ADCY9: variants seen among roughly 807,000 people sequenced by gnomAD.
ADCY9 encodes the protein adenylate cyclase type 9.
Under a neutral mutation model 101.5 loss-of-function variants are expected in ADCY9, and 50 were observed. That is an observed-to-expected ratio of 0.49 (90% CI 0.39 to 0.62). The LOEUF is 0.62. Ranked by LOEUF, ADCY9 falls within the 20% of genes least tolerant of loss-of-function variation. The pLI, the probability that ADCY9 is intolerant of heterozygous loss-of-function variation, is 0.00. For missense variants in ADCY9, 1,662 were observed against 1,800.4 expected, an observed-to-expected ratio of 0.92 and a Z score of 1.39; for synonymous variants, 905 against 769.3, an observed-to-expected ratio of 1.18 and a Z score of -2.92.
chr16:3,954,726 C>A (rs1243420904), intron 5 of ADCY9, among the ~76,000 whole-genome samples: 1 of 152,080 alleles, frequency 6.6e-6, no homozygotes. Flanking sequence ...AGAGCAGCCG[C>A]AACACTGGAG....
intron 2 of ADCY9, among the ~76,000 whole-genome samples, chr16:4,098,239 T>TTTG (rs1567147365): frequency 6.6e-6 from 1 of 151,398 alleles, no homozygotes; most frequent in African/African-American, 2.4e-5. Flanking sequence ...GTTTTGTTTT[T>TTTG]GTTTTTGGTT....
chr16:4,101,344 A>C (rs911906051), intron 2 of ADCY9, among the ~76,000 whole-genome samples: 2 of 149,822 alleles, frequency 1.3e-5, no homozygotes, highest in African/African-American at 4.9e-5. Context: ...CAGTGGTGCA[A>C]TCACAGCTCA....
intron 2 of ADCY9, among the ~76,000 whole-genome samples, chr16:4,097,826 C>T (rs1362218105): frequency 1.3e-5 from 2 of 151,864 alleles, no homozygotes; most frequent in African/African-American, 4.8e-5. Context: ...GGATTACAGG[C>T]ATGAGCCACC....
intron 2 of ADCY9, among the ~76,000 whole-genome samples, chr16:4,097,500 A>ACACACACACACT: frequency 8.1e-6 from 1 of 123,098 alleles, no homozygotes; most frequent in Non-Finnish European, 1.7e-5. Flanking sequence ...ACACACACAC[A>ACACACACACACT]CTATATATAT....
intron 2 of ADCY9, among the ~76,000 whole-genome samples, chr16:4,073,756 T>A (rs1000142914): frequency 6.6e-6 from 1 of 152,166 alleles, no homozygotes. Context: ...AAGGCTGAGA[T>A]CATTTATTCC....
chr16:3,984,539 T>A (rs2056174161), intron 6 of ADCY9, among the ~76,000 whole-genome samples: 2 of 152,010 alleles, frequency 1.3e-5, no homozygotes, highest in African/African-American at 4.8e-5. Flanking sequence ...CCCATCTCGG[T>A]GTACAGATTG....
intron 3 of ADCY9, among the ~76,000 whole-genome samples, chr16:3,994,834 T>C (rs951782396): frequency 6.6e-6 from 1 of 152,184 alleles, no homozygotes; most frequent in Admixed American, 6.5e-5. Flanking sequence ...CCACCAACTA[T>C]GCGAGGACAC....
intron 2 of ADCY9, among the ~76,000 whole-genome samples, chr16:4,046,839 A>AC (rs113212808): frequency 0.053 from 8,077 of 151,820 alleles, 760 homozygotes; most frequent in African/African-American, 0.19. Context: ...CAAAACAACA[A>AC]AAAAAAAGTT....
intron 2 of ADCY9, among the ~76,000 whole-genome samples, chr16:4,017,634 A>T (rs1441450437): frequency 1.4e-5 from 2 of 140,938 alleles, no homozygotes; most frequent in African/African-American, 5.5e-5. Flanking sequence ...GCAGAGTGAA[A>T]CTCCTTCTCA....
At chr16:4,065,530 T>C (rs2141164275) in intron 2 of ADCY9, among the ~76,000 whole-genome samples, 1 of 152,302 alleles carries the variant, frequency 6.6e-6, no homozygotes, top group East Asian at 1.9e-4. Flanking sequence ...ATGTCGCACG[T>C]CAATGTACAG....
chr16:4,104,004 C>T (rs996926885), intron 2 of ADCY9, among the ~76,000 whole-genome samples: 6 of 152,284 alleles, frequency 3.9e-5, no homozygotes, highest in South Asian at 2.1e-4. Flanking sequence ...AGAAAAGCAG[C>T]TGTGCAGCTG....
intron 2 of ADCY9, among the ~76,000 whole-genome samples, chr16:4,093,039 TAAC>T (rs35146612): frequency 0.25 from 37,270 of 152,068 alleles, 5,077 homozygotes; most frequent in Non-Finnish European, 0.31. Flanking sequence ...AAAAGCCAAA[TAAC>T]AAGAGGCAAA....
intron 10 of ADCY9, among the ~76,000 whole-genome samples, chr16:3,971,272 T>A (rs1375334476): frequency 6.6e-6 from 1 of 152,150 alleles, no homozygotes; most frequent in Non-Finnish European, 1.5e-5. Context: ...AGAGGACTCT[T>A]GGAAGCTGGT....
chr16:3,958,512 G>A (rs2055919716), downstream of ADCY9, among the ~76,000 whole-genome samples: 2 of 134,356 alleles, frequency 1.5e-5, no homozygotes, highest in Non-Finnish European at 1.5e-5. Context: ...TGCACTTCCA[G>A]CCTGGGCAAC....
intron 2 of ADCY9, among the ~76,000 whole-genome samples, chr16:4,056,507 G>T (rs140808801): frequency 4.2e-4 from 64 of 152,270 alleles, no homozygotes; most frequent in African/African-American, 1.5e-3. Flanking sequence ...ACCCACCTCG[G>T]CCTCCCAGAG....
intron 10 of ADCY9, 49 bp from the exon 11 acceptor site, chr16:3,967,015 C>A (rs544283959): frequency 3.0e-5 from 46 of 1,514,492 alleles, no homozygotes; most frequent in Non-Finnish European, 3.8e-5. Flanking sequence ...TCGGCGCTTC[C>A]AAGCTCAGAA....
intron 2 of ADCY9, among the ~76,000 whole-genome samples, chr16:4,025,602 G>C (rs1025629991): frequency 1.3e-5 from 2 of 152,200 alleles, no homozygotes; most frequent in Non-Finnish European, 2.9e-5. Flanking sequence ...GAGAAGTCTG[G>C]CACGAGGCCT....
At chr16:4,086,547 T>C (rs2056940002) in intron 2 of ADCY9, among the ~76,000 whole-genome samples, 1 of 152,068 alleles carries the variant, frequency 6.6e-6, no homozygotes, top group African/African-American at 2.4e-5. Flanking sequence ...TGACACAGAA[T>C]CATGAAACAT....
At chr16:3,993,369 G>A (rs2056261841) in intron 4 of ADCY9, 37 bp downstream of exon 4, 1 of 1,606,896 alleles carries the variant, frequency 6.2e-7, no homozygotes, top group African/African-American at 1.3e-5. Flanking sequence ...TGCGCCAGGA[G>A]AGGAACTGAC....
Sources: gnomAD v4.1 joint callset for allele counts (sites outside exome capture counted in the v4.1 genomes callset) on GRCh38, gnomAD v4.1.1 for gene constraint, MANE v1.5 for transcripts, NCBI Gene and HGNC (gene_info 2026-07-23, HGNC 2026-07-21) for gene names.